ATXN1: variants seen among roughly 807,000 people sequenced by gnomAD.
The protein encoded by ATXN1 is ataxin 1.
In ATXN1, 8 loss-of-function variants were observed where a neutral mutation model predicts 56.4. That is an observed-to-expected ratio of 0.14 (90% CI 0.08 to 0.26). The LOEUF is 0.26. ATXN1 is among the 10% of genes least tolerant of loss of function. ATXN1 has a pLI of 1.00. For synonymous variants in ATXN1, 514 were observed against 494.6 expected (o/e 1.04, Z -0.52); for missense variants, 987 against 1,106.5 (o/e 0.89, Z 1.53).
chr6:16,730,905 G>A (rs1232664321), intron 2 of ATXN1, among the ~76,000 whole-genome samples: 1 of 152,314 alleles, frequency 6.6e-6, no homozygotes, highest in East Asian at 1.9e-4. Context: ...CCATGCTGCA[G>A]GGTGAAATTT....
intron 4 of ATXN1, among the ~76,000 whole-genome samples, chr6:16,532,931 AC>A (rs1357101924): frequency 6.6e-6 from 1 of 152,228 alleles, no homozygotes; most frequent in Non-Finnish European, 1.5e-5. Context: ...ATATTTGTAT[AC>A]CAGTGTTCAT....
Position 16,400,179 on chromosome 6 carries a change from A to T in ATXN1, c.-160-71709T>A, listed in dbSNP as rs1467275243. ...GGTCTGTCTGTCCTTCTATTCACTC[A>T]GTATTAATTATTTCCACTCTGCCCT... On this transcript the variant is annotated intron_variant, in intron 6 of 7. Coordinates refer to ENST00000436367, the MANE Select transcript of ATXN1 (RefSeq NM_001128164.2). Among the ~76,000 whole-genome samples, 5 of 152,318 alleles carry T rather than the reference A, an allele frequency of 3.3e-5. No individual in the cohort carries two copies. The East Asian group carries it at 9.6e-4, about 29-fold the overall frequency.
At chr6:16,341,401 C>A (rs1385701002) in intron 6 of ATXN1, among the ~76,000 whole-genome samples, 1 of 152,070 alleles carries the variant, frequency 6.6e-6, no homozygotes, top group Non-Finnish European at 1.5e-5. Context: ...TCCAGATCTA[C>A]CCCAGACCAA....
intron 2 of ATXN1, among the ~76,000 whole-genome samples, chr6:16,663,660 T>C (rs1474697692): frequency 1.6e-3 from 27 of 16,712 alleles, no homozygotes; most frequent in Non-Finnish European, 2.1e-3. Context: ...ATTTATTTAT[T>C]TATTTATTTA....
chr6:16,538,772 G>A (rs1472433445), intron 4 of ATXN1, among the ~76,000 whole-genome samples: 7 of 152,050 alleles, frequency 4.6e-5, no homozygotes, highest in South Asian at 2.1e-4. Context: ...TGCAACCTAC[G>A]CCTCCCAGGT....
At chr6:16,733,821 T>C (rs1187837482) in intron 2 of ATXN1, among the ~76,000 whole-genome samples, 1 of 152,166 alleles carries the variant, frequency 6.6e-6, no homozygotes, top group East Asian at 1.9e-4. Context: ...CACTCCAGCC[T>C]GGGCAACAAG....
intron 6 of ATXN1, among the ~76,000 whole-genome samples, chr6:16,354,577 CATGGAATTTGTTTGT>C (rs2113465343): frequency 6.6e-6 from 1 of 152,234 alleles, no homozygotes; most frequent in African/African-American, 2.4e-5. Flanking sequence ...CTGGGTTACA[CATGGAATTTGTTTGT>C]ATTAAACCAA....
chr6:16,592,892 C>G (rs1482599102), intron 3 of ATXN1, among the ~76,000 whole-genome samples: 1 of 150,198 alleles, frequency 6.7e-6, no homozygotes, highest in Non-Finnish European at 1.5e-5. Context: ...TTGGGGGGGG[C>G]AGCTTTTATT....
intron 6 of ATXN1, among the ~76,000 whole-genome samples, chr6:16,429,859 T>G (rs967683143): frequency 1.3e-5 from 2 of 152,192 alleles, no homozygotes; most frequent in Non-Finnish European, 2.9e-5. Context: ...GTGATTCTTT[T>G]CTGAAGATCA....
chr6:16,657,189 G>T (rs895749475), intron 3 of ATXN1, among the ~76,000 whole-genome samples: 13 of 151,744 alleles, frequency 8.6e-5, no homozygotes, highest in Non-Finnish European at 1.8e-4. Flanking sequence ...GGGTTTCACC[G>T]CGTTAGCCAG....
At chr6:16,692,234 C>T (rs970384949) in intron 2 of ATXN1, among the ~76,000 whole-genome samples, 3 of 152,182 alleles carry the variant, frequency 2.0e-5, no homozygotes, top group Admixed American at 1.3e-4. Flanking sequence ...CCAGCCTGGG[C>T]GACTGAGCGA....
chr6:16,405,785 G>A (rs1329862160), intron 6 of ATXN1, among the ~76,000 whole-genome samples: 5 of 152,172 alleles, frequency 3.3e-5, no homozygotes, highest in East Asian at 3.8e-4. Flanking sequence ...TACCATGTGC[G>A]AAGTACTGCT....
At chr6:16,737,053 A>C (rs1282755090) in intron 2 of ATXN1, 2 of 152,314 alleles carry the variant, frequency 1.3e-5, no homozygotes, top group Admixed American at 1.3e-4. Context: ...ACAGTCAAAC[A>C]AACCTTCAAA....
rs1761050309 is a variant in ATXN1, at chr6:16,760,436, G to A, written c.-730+862C>T. Among the ~76,000 whole-genome samples, 1 of 151,290 alleles carries A rather than the reference G, an allele frequency of 6.6e-6. No individual in the cohort carries two copies. The highest frequency in any genetic ancestry group is 1.5e-5 in the Non-Finnish European group (1 of 67,744). The stretch of plus-strand genomic sequence containing the variant: ...CCGGGCGGCGGCTGCCGCTGCACAT[G>A]ATCAGGAAGCGGCCGCACCAACAGG... On this transcript the variant is annotated intron_variant, in intron 1 of 7. Transcript: ENST00000436367. The surrounding 1 kb of genome is among the most constrained non-coding windows in gnomAD (Gnocchi z 5.3).
intron 4 of ATXN1, among the ~76,000 whole-genome samples, chr6:16,582,762 T>C (rs1762552301): frequency 6.6e-6 from 1 of 152,234 alleles, no homozygotes; most frequent in African/African-American, 2.4e-5. Flanking sequence ...CCAACACGTC[T>C]GCATTTCTGC....
chr6:16,556,298 T>C (rs1762012589), intron 4 of ATXN1, among the ~76,000 whole-genome samples: 1 of 152,232 alleles, frequency 6.6e-6, no homozygotes, highest in Admixed American at 6.5e-5. Context: ...TATACTTTTA[T>C]CTCGTTTCTT....
At chr6:16,708,985 C>G (rs1176292030) in intron 2 of ATXN1, among the ~76,000 whole-genome samples, 1 of 149,810 alleles carries the variant, frequency 6.7e-6, no homozygotes, top group Non-Finnish European at 1.5e-5. Context: ...AAGATTGTGC[C>G]ACTGAACTCC....
chr6:16,482,408 A>C (rs112739217), intron 6 of ATXN1, among the ~76,000 whole-genome samples: 2 of 152,330 alleles, frequency 1.3e-5, no homozygotes, highest in South Asian at 4.1e-4. Flanking sequence ...TATAATATGT[A>C]AGGTGCTTAA....
intron 1 of ATXN1, chr6:16,761,057 TACACACATAC>T (rs1761080625): frequency 1.1e-5 from 3 of 273,386 alleles, no homozygotes; most frequent in Non-Finnish European, 2.2e-5. Flanking sequence ...CGGTTGTATG[TACACACATAC>T]ACACACACAC....
Sources: gnomAD v4.1 joint callset for allele counts (sites outside exome capture counted in the v4.1 genomes callset) on GRCh38, gnomAD v4.1.1 for gene constraint, Gnocchi (gnomAD v3.1) non-coding constraint, MANE v1.5 for transcripts, NCBI Gene and HGNC (gene_info 2026-07-23, HGNC 2026-07-21) for gene names.